RNF150: variants seen among roughly 807,000 people sequenced by gnomAD.
RNF150 encodes ring finger protein 150.
A neutral mutation model predicts 39.3 loss-of-function variants in RNF150; 24 were observed. That is an observed-to-expected ratio of 0.61 (90% CI 0.44 to 0.86). The LOEUF (loss-of-function observed/expected upper bound fraction) is 0.86. Among genes scored for constraint, RNF150 ranks in the 40% least tolerant of loss-of-function variants. The probability of loss-of-function intolerance (pLI) is 0.00; values close to 1 mark genes in which losing one functional copy is unlikely to be tolerated. For missense variants in RNF150, 502 were observed against 587.8 expected, an observed-to-expected ratio of 0.85 and a Z score of 1.51; for synonymous variants, 255 against 227.3, an observed-to-expected ratio of 1.12 and a Z score of -1.10.
At chr4:140,936,493 GC>G (rs756248084) in intron 4 of RNF150, among the ~76,000 whole-genome samples, 33 of 152,112 alleles carry the variant, frequency 2.2e-4, no homozygotes, top group Non-Finnish European at 3.7e-4. Flanking sequence ...TGAGTGAGAT[GC>G]CATACACCAG....
chr4:141,148,241 A>C (rs993372287), intron 1 of RNF150, among the ~76,000 whole-genome samples: 1 of 152,150 alleles, frequency 6.6e-6, no homozygotes, highest in Admixed American at 6.5e-5. Flanking sequence ...TTCCTCTTAT[A>C]GATTGAGCAT....
In RNF150 at chr4:141,208,040, A is replaced by G. The variant is rs375457457; in HGVS notation, c.-6+4754T>C. Among the ~76,000 whole-genome samples, 54 of 152,382 alleles carry G rather than the reference A, an allele frequency of 3.5e-4. No homozygotes were observed. The South Asian group carries it at 9.9e-3, about 28-fold the overall frequency. The stretch of plus-strand genomic sequence containing the variant: ...ATGGAAGTTGAAAGAATCACAGGGA[A>G]TCACCACTGATGATCTCAGTTATCT... On this transcript the variant is annotated intron_variant, in intron 1 of 7. Coordinates refer to the RNF150 transcript ENST00000420921.
intron 1 of RNF150, among the ~76,000 whole-genome samples, chr4:141,168,300 T>C (rs891192082): frequency 2.0e-5 from 3 of 152,086 alleles, no homozygotes; most frequent in African/African-American, 7.2e-5. Flanking sequence ...AAACAACATA[T>C]GTTGGAGAGG....
chr4:141,032,248 C>G (rs1354414442), intron 1 of RNF150, among the ~76,000 whole-genome samples: 1 of 151,900 alleles, frequency 6.6e-6, no homozygotes, highest in Non-Finnish European at 1.5e-5. Context: ...CTCATGGAAG[C>G]AGAGAGTCGA....
intron 1 of RNF150, among the ~76,000 whole-genome samples, chr4:140,981,902 T>G (rs1028805191): frequency 6.6e-6 from 1 of 152,190 alleles, no homozygotes; most frequent in Non-Finnish European, 1.5e-5. Context: ...TGTCTTAGAA[T>G]GCTCTCATTG....
chr4:140,883,185 TAA>T (rs1404794923), intron 6 of RNF150, among the ~76,000 whole-genome samples: 2 of 152,214 alleles, frequency 1.3e-5, no homozygotes, highest in African/African-American at 4.8e-5. Context: ...CCTTCTACAC[TAA>T]GTTACTGATG....
intron 6 of RNF150, among the ~76,000 whole-genome samples, chr4:140,893,072 GA>G (rs939120781): frequency 2.0e-5 from 3 of 149,886 alleles, no homozygotes; most frequent in Non-Finnish European, 3.0e-5. Context: ...TCTCTTAAAA[GA>G]AAAAAAAAGG....
At chr4:140,957,265 G>C (rs1194042124) in intron 2 of RNF150, among the ~76,000 whole-genome samples, 4 of 152,266 alleles carry the variant, frequency 2.6e-5, no homozygotes, top group African/African-American at 9.6e-5. Flanking sequence ...CTTCTCAAAA[G>C]AGGACATTTA....
intron 6 of RNF150, among the ~76,000 whole-genome samples, chr4:140,896,682 T>TATA (rs1729954942): frequency 1.2e-4 from 3 of 25,568 alleles, no homozygotes; most frequent in South Asian, 2.1e-3. Flanking sequence ...AAACTTAGAG[T>TATA]ATAATAAAAA....
intron 4 of RNF150, among the ~76,000 whole-genome samples, chr4:140,947,058 A>G (rs1463821654): frequency 6.6e-6 from 1 of 152,142 alleles, no homozygotes. Context: ...GAGAGGGAAT[A>G]GGGTTATATA....
At chr4:141,005,097 T>A (rs1168075528) in intron 1 of RNF150, among the ~76,000 whole-genome samples, 1 of 152,178 alleles carries the variant, frequency 6.6e-6, no homozygotes, top group East Asian at 1.9e-4. Context: ...GAGCGGTTGT[T>A]GTCAAGTATG....
intron 1 of RNF150, among the ~76,000 whole-genome samples, chr4:141,019,970 C>T (rs1217578822): frequency 1.3e-5 from 2 of 152,096 alleles, no homozygotes; most frequent in African/African-American, 4.8e-5. Context: ...CTGTACCACT[C>T]GCTTGAAAAA....
At chr4:141,058,555 A>G (rs1737085244) in intron 1 of RNF150, among the ~76,000 whole-genome samples, 1 of 152,164 alleles carries the variant, frequency 6.6e-6, no homozygotes, top group Non-Finnish European at 1.5e-5. Context: ...TAGGCAGGGC[A>G]TGGGGCTGAA....
intron 1 of RNF150, among the ~76,000 whole-genome samples, chr4:141,055,235 A>C (rs1004282666): frequency 1.3e-5 from 2 of 152,150 alleles, no homozygotes; most frequent in African/African-American, 4.8e-5. Flanking sequence ...ATTGAAATTA[A>C]AAATACTCTA....
At chr4:141,127,586 G>A (rs1339490118) in intron 1 of RNF150, among the ~76,000 whole-genome samples, 1 of 152,160 alleles carries the variant, frequency 6.6e-6, no homozygotes, top group African/African-American at 2.4e-5. Context: ...AAGAGCCTCA[G>A]TAGATCTACT....
Position 141,132,848 on chromosome 4 carries a change from C to G in RNF150, c.-40G>C. 1 of 1,545,952 alleles carries G rather than the reference C, an allele frequency of 6.5e-7. No individual in the cohort carries two copies. The highest frequency in any genetic ancestry group is 8.9e-7 in the Non-Finnish European group (1 of 1,127,790). On this transcript the variant is annotated 5_prime_UTR_variant, in exon 1 of 7. Transcript: ENST00000515673. This position sits in a 1 kb window ranked among gnomAD's most constrained non-coding sequence, Gnocchi z 4.9. ...GCCCCCTCCCCGCCCCCGCGCCCTC[C>G]CTCCGTCCCGTCCCTCCTCCCCAGC...
chr4:141,096,606 T>A (rs985590930), intron 1 of RNF150, among the ~76,000 whole-genome samples: 1 of 152,220 alleles, frequency 6.6e-6, no homozygotes, highest in Non-Finnish European at 1.5e-5. Context: ...ACAGCTTTCA[T>A]TTTGCTAAGA....
chr4:141,114,953 T>TA (rs1452779011), intron 1 of RNF150, among the ~76,000 whole-genome samples: 7 of 152,178 alleles, frequency 4.6e-5, no homozygotes, highest in Non-Finnish European at 1.0e-4. Flanking sequence ...CTCTTCATGA[T>TA]AAAAACACTC....
chr4:141,087,154 A>G (rs942495174), intron 1 of RNF150, among the ~76,000 whole-genome samples: 2 of 152,028 alleles, frequency 1.3e-5, no homozygotes, highest in Non-Finnish European at 2.9e-5. Context: ...CTCCCCCTCA[A>G]GTAGACGCCA....
Sources: gnomAD v4.1 joint callset for allele counts (sites outside exome capture counted in the v4.1 genomes callset) on GRCh38, gnomAD v4.1.1 for gene constraint, Gnocchi (gnomAD v3.1) non-coding constraint, MANE v1.5 for transcripts, NCBI Gene and HGNC (gene_info 2026-07-23, HGNC 2026-07-21) for gene names.